Variants in RYR3 observed in about 807,000 individuals in gnomAD.
The protein encoded by RYR3 is brain ryanodine receptor-calcium release channel.
Under a neutral mutation model 584.3 loss-of-function variants are expected in RYR3, and 207 were observed. That is an observed-to-expected ratio of 0.35 (90% CI 0.32 to 0.40). The LOEUF is 0.40. Ranked by LOEUF, RYR3 falls within the 10% of genes least tolerant of loss-of-function variation. The probability of loss-of-function intolerance (pLI) is 1.00; values close to 1 mark genes in which losing one functional copy is unlikely to be tolerated. For missense variants in RYR3, 5,616 were observed against 6,089.2 expected (o/e 0.92, Z 2.59); for synonymous variants, 2,416 against 2,248.5 (o/e 1.07, Z -2.11).
chr15:33,864,131 GT>G lies in RYR3; in HGVS notation c.14466-5del, dbSNP rs777257829. 2.5e-6 allele frequency: 4 copies of G among 1,608,298 alleles called. No individual in the cohort carries two copies. In the African/African-American group the frequency reaches 4.0e-5, roughly 16 times the overall value. On this transcript the variant is annotated splice_region_variant and splice_polypyrimidine_tract_variant and intron_variant, in intron 102 of 103. Coordinates refer to ENST00000634891, the MANE Select transcript of RYR3 (RefSeq NM_001036.6). ...GAGTATCTAATACTATCTTTTCCTC[GT>G]TCCAGGTTCTTTCTGATGTATTTGA...
intron 18 of RYR3, among the ~76,000 whole-genome samples, chr15:33,605,037 G>C (rs1466487112): frequency 6.6e-6 from 1 of 152,180 alleles, no homozygotes; most frequent in Non-Finnish European, 1.5e-5. Flanking sequence ...ACCTGAGAGG[G>C]CTCTGCATGA....
intron 47 of RYR3, 54 bp downstream of exon 47, chr15:33,729,080 A>G: frequency 6.8e-7 from 1 of 1,475,848 alleles, no homozygotes. Context: ...GAAATTAGTA[A>G]TGTTGGACTT....
At chr15:33,484,679 T>G (rs2050261984) in intron 2 of RYR3, among the ~76,000 whole-genome samples, 1 of 152,164 alleles carries the variant, frequency 6.6e-6, no homozygotes, top group Non-Finnish European at 1.5e-5. Context: ...GAGTCAAGTA[T>G]GATGCTAGAG....
chr15:33,473,558 C>T lies in RYR3; in HGVS notation c.171+20C>T. ...GCCAAGGTGAGATTGGCTGTCCGCCCTACACCTTCTTCCACCTTGGCGTCT... is the reference window on the plus strand; with the variant it reads ...GCCAAGGTGAGATTGGCTGTCCGCCTTACACCTTCTTCCACCTTGGCGTCT... On this transcript the variant is annotated intron_variant, in intron 2 of 103. Coordinates refer to ENST00000634891, the MANE Select transcript of RYR3 (RefSeq NM_001036.6). 2 of 1,613,030 alleles carry T rather than the reference C, an allele frequency of 1.2e-6. No homozygotes were observed.
chr15:33,664,589 G>GTATGTATATATATATA (rs1555399465), intron 36 of RYR3, among the ~76,000 whole-genome samples: 4 of 91,384 alleles, frequency 4.4e-5, no homozygotes, highest in East Asian at 3.1e-4. Context: ...GTGTGTGTGT[G>GTATGTATATATATATA]TATATATATA....
intron 16 of RYR3, among the ~76,000 whole-genome samples, chr15:33,586,892 C>A (rs754273651): frequency 6.6e-6 from 1 of 152,030 alleles, no homozygotes; most frequent in Non-Finnish European, 1.5e-5. Context: ...TGGCCAGACG[C>A]GATATTCAAC....
intron 85 of RYR3, among the ~76,000 whole-genome samples, chr15:33,827,648 T>C (rs1467921284): frequency 6.6e-6 from 1 of 152,136 alleles, no homozygotes; most frequent in Non-Finnish European, 1.5e-5. Context: ...CACGAGATGA[T>C]AGGAATAGGA....
At position 33,634,682 on chromosome 15, in the gene RYR3, C is replaced by T. The variant is rs200709496; in HGVS notation, c.3124C>T (p.Arg1042Cys). 5.1e-5 allele frequency: 82 copies of T among 1,613,724 alleles called. No individual in the cohort carries two copies. Among genetic ancestry groups the T allele is most frequent in the Non-Finnish European group, 6.4e-5 (76 of 1,179,770 alleles). The change falls in exon 25 of 104, where the codon CGC becomes TGC. Residue 1042 changes from arginine (R) to cysteine (C), a missense_variant. Physicochemically the swap from Arg to Cys is radical, Grantham distance 180. Around this residue, in one of 9 missense-constraint regions of RYR3, gnomAD observed 1,284 missense variants for 1,344.6 expected, o/e 0.95. Transcript: ENST00000634891. ...CAGGGACAGCCTGCGGGAAGCTGTG[C>T]GCACTTTTGTTGGTTACGGGTATAA... The part of the protein sequence containing the change: ...SNRDSLREAV[R>C]TFVGYGYNIE...
At chr15:33,664,781 TA>T (rs913510233) in intron 36 of RYR3, among the ~76,000 whole-genome samples, 27 of 152,094 alleles carry the variant, frequency 1.8e-4, no homozygotes, top group African/African-American at 6.3e-4. Flanking sequence ...AGCCTGTCCA[TA>T]AAGTGTTGTC....
Position 33,838,027 on chromosome 15 carries a change from A to G in RYR3, c.12047A>G (p.Asp4016Gly). 6.2e-7 allele frequency: 1 copy of G among 1,613,986 alleles called. No individual in the cohort carries two copies. The change falls in exon 89 of 104, where the codon GAC becomes GGC. Residue 4016 changes from aspartate to glycine, a missense_variant. Physicochemically the swap from Asp to Gly is moderately conservative, Grantham distance 94. Coordinates refer to ENST00000634891, the MANE Select transcript of RYR3 (RefSeq NM_001036.6). ...PNDSRLKCLL[D>G]PAESVLNYFE... ...GATTCCCGCCTGAAGTGTCTGTTGG[A>G]CCCAGCAGAAAGTGTGCTAAATTAC...
intron 18 of RYR3, among the ~76,000 whole-genome samples, chr15:33,608,468 C>T (rs1004661177): frequency 2.0e-5 from 3 of 152,230 alleles, no homozygotes; most frequent in Non-Finnish European, 4.4e-5. Context: ...GCCACCATTC[C>T]ATCATTTTCC....
In RYR3 at chr15:33,669,394, C is replaced by T. The variant is rs2063683759; in HGVS notation, c.5660C>T (p.Pro1887Leu). Residue 1887 changes from proline (P) to leucine (L), a missense_variant, in exon 37 of 104, where the codon CCC becomes CTC. Physicochemically the swap from Pro to Leu is moderately conservative, Grantham distance 98 (BLOSUM62 -3). Transcript: ENST00000634891. ...LLNFQLGENC[P>L]CPEEIREELY... ...AACTTTCAACTGGGAGAGAACTGCC[C>T]CTGCCCAGAGGAGATTCGGGAGGAG... 2 of 1,613,814 alleles carry T rather than the reference C, an allele frequency of 1.2e-6. No homozygotes were observed. Among genetic ancestry groups the T allele is most frequent in the African/African-American group, 1.3e-5 (1 of 74,906 alleles).
intron 14 of RYR3, among the ~76,000 whole-genome samples, chr15:33,583,747 C>A (rs888655259): frequency 6.6e-6 from 1 of 151,890 alleles, no homozygotes; most frequent in Admixed American, 6.6e-5. Flanking sequence ...ATAGTGAGAC[C>A]CCATCTCAAT....
chr15:33,384,993 G>A lies in RYR3; in HGVS notation c.51+73897G>A, dbSNP rs77714936. 8.1e-4 allele frequency among the ~76,000 whole-genome samples: 123 copies of A among 152,270 alleles called. 1 individual carries two copies. The highest frequency in any genetic ancestry group is 2.8e-3 in the African/African-American group (115 of 41,560). ...ATGACCATAATATTTTAGCCTTGAT[G>A]TTTTTCCCTTCCACCCTTAGATGTG... is the stretch of plus-strand genomic sequence containing the variant. On this transcript the variant is annotated intron_variant, in intron 1 of 103. Coordinates refer to ENST00000634891, the MANE Select transcript of RYR3 (RefSeq NM_001036.6).
At chr15:33,678,085 T>G (rs2064308555) in intron 38 of RYR3, among the ~76,000 whole-genome samples, 1 of 152,234 alleles carries the variant, frequency 6.6e-6, no homozygotes, top group Admixed American at 6.5e-5. Context: ...CACACCTGTC[T>G]TGTCAGTTTT....
At chr15:33,810,889 CTG>C in intron 71 of RYR3, 87 bp from the exon 72 acceptor site, 5 of 1,199,554 alleles carry the variant, frequency 4.2e-6, no homozygotes, top group Non-Finnish European at 2.4e-6. Flanking sequence ...CCCAGTGAAA[CTG>C]TGCGTTGACT....
In RYR3 at chr15:33,731,529, C is replaced by T. The variant is rs752463552; in HGVS notation, c.7259C>T (p.Ala2420Val). 3.1e-6 allele frequency: 5 copies of T among 1,613,726 alleles called. No individual in the cohort carries two copies. The African/African-American group carries it at 6.7e-5, about 22-fold the overall frequency. ...GCACTAAATAGGTATATATGTTCTG[C>T]TGTGCTCCCGCTCCTCACAAGATGT... ...ALALNRYICSAVLPLLTRCAP... is the reference protein window; with the variant it reads ...ALALNRYICSVVLPLLTRCAP... Residue 2420 changes from alanine to valine, a missense_variant, in exon 48 of 104, where the codon GCT becomes GTT. By Grantham distance (64) the Ala-to-Val change is moderately conservative. This residue lies in a region of RYR3 where 1,280 missense variants were observed against 1,426.2 expected (regional missense o/e 0.90). Coordinates refer to ENST00000634891, the MANE Select transcript of RYR3 (RefSeq NM_001036.6).
rs199553688 is a variant in RYR3, at chr15:33,861,083, A to G, written c.14370A>G (p.Lys4790=). ...CTGCCTGTTATTTTTCTTAGACTAA[A>G]TGTTTCATCTGTGGGATTGGCAATG... is the stretch of plus-strand genomic sequence containing the variant. ...QEQVREDMET[K]CFICGIGNDY... is the part of the protein sequence containing the mutation. The change falls in exon 102 of 104, where the codon AAA becomes AAG. Residue 4790 remains lysine, a synonymous_variant. Coordinates refer to ENST00000634891, the MANE Select transcript of RYR3 (RefSeq NM_001036.6). The G allele has an allele frequency of 9.2e-5, 145 of 1,584,014 alleles. No individual in the cohort carries two copies. The East Asian group carries it at 1.4e-3, about 15-fold the overall frequency.
chr15:33,664,612 T>C (rs904573944), intron 36 of RYR3, among the ~76,000 whole-genome samples: 1 of 141,982 alleles, frequency 7.0e-6, no homozygotes, highest in African/African-American at 2.6e-5. Flanking sequence ...TATATATATA[T>C]ATACGTATGT....
Sources: allele counts gnomAD v4.1 joint callset (sites outside exome capture counted in the v4.1 genomes callset), GRCh38; gene constraint gnomAD v4.1.1; regional missense constraint gnomAD v4.1.1; transcripts MANE v1.5; gene names NCBI Gene and HGNC (gene_info 2026-07-23, HGNC 2026-07-21).